Variants in HPSE2 observed in about 807,000 individuals in gnomAD.
HPSE2 encodes the protein heparanase 2 (inactive).
In HPSE2, 38 loss-of-function variants were observed where a neutral mutation model predicts 60.5. That is an observed-to-expected ratio of 0.63 (90% confidence interval 0.48 to 0.82). The LOEUF (loss-of-function observed/expected upper bound fraction) is 0.82, where lower values mean the gene tolerates loss of function less well. HPSE2 is among the 40% of genes least tolerant of loss of function. HPSE2 has a pLI of 0.00. For synonymous variants in HPSE2, 295 were observed against 293.2 expected (o/e 1.01, Z -0.06); for missense variants, 713 against 740.4 (o/e 0.96, Z 0.43).
At chr10:98,585,330 G>A (rs1811408708) in intron 9 of HPSE2, among the ~76,000 whole-genome samples, 1 of 149,258 alleles carries the variant, frequency 6.7e-6, no homozygotes, top group South Asian at 2.2e-4. Flanking sequence ...GGAGTACAGT[G>A]GCGTGATCTT....
intron 6 of HPSE2, among the ~76,000 whole-genome samples, chr10:98,658,574 T>A (rs909978483): frequency 6.6e-5 from 10 of 151,784 alleles, no homozygotes; most frequent in Admixed American, 5.9e-4. Context: ...TTAGGGTTGG[T>A]GAGCTTTATG....
chr10:99,218,892 C>T (rs1446135803), intron 2 of HPSE2, among the ~76,000 whole-genome samples: 1 of 152,124 alleles, frequency 6.6e-6, no homozygotes, highest in African/African-American at 2.4e-5. Flanking sequence ...AATGGCCAGG[C>T]AAATAAGTCC....
At chr10:98,757,913 G>C (rs1949914575) in intron 3 of HPSE2, among the ~76,000 whole-genome samples, 1 of 152,060 alleles carries the variant, frequency 6.6e-6, no homozygotes, top group Non-Finnish European at 1.5e-5. Flanking sequence ...CAAAGCCAGA[G>C]GCATCACATT....
At chr10:99,038,569 T>C (rs774907160) in intron 3 of HPSE2, among the ~76,000 whole-genome samples, 2 of 152,110 alleles carry the variant, frequency 1.3e-5, no homozygotes, top group Non-Finnish European at 2.9e-5. Context: ...AAGAGATCTT[T>C]GCAGCAATGG....
At chr10:98,644,534 A>T (rs900074221) in intron 6 of HPSE2, among the ~76,000 whole-genome samples, 1 of 152,188 alleles carries the variant, frequency 6.6e-6, no homozygotes, top group African/African-American at 2.4e-5. Context: ...AAAAGACCTT[A>T]CTGGTCAGCT....
At chr10:98,600,911 G>GTATA (rs71007402) in intron 9 of HPSE2, among the ~76,000 whole-genome samples, 2,418 of 73,544 alleles carry the variant, frequency 0.033, 93 homozygotes, top group African/African-American at 0.082. Context: ...ATGTGTGTGT[G>GTATA]TATATATATA....
chr10:98,759,402 T>C (rs1949955832), intron 3 of HPSE2, among the ~76,000 whole-genome samples: 2 of 152,148 alleles, frequency 1.3e-5, no homozygotes, highest in Non-Finnish European at 2.9e-5. Context: ...TGTGATATCT[T>C]CTAGCAATTT....
intron 9 of HPSE2, among the ~76,000 whole-genome samples, chr10:98,605,070 G>T (rs12357870): frequency 2.0e-5 from 3 of 152,048 alleles, no homozygotes; most frequent in Admixed American, 1.3e-4. Context: ...TGCCAATGAC[G>T]TCTTGTTGCA....
intron 5 of HPSE2, among the ~76,000 whole-genome samples, chr10:98,696,615 C>A (rs1261531262): frequency 7.1e-6 from 1 of 140,614 alleles, no homozygotes; most frequent in South Asian, 2.4e-4. Flanking sequence ...CCATGGAATG[C>A]GTAGATTCTC....
At chr10:98,601,074 C>A (rs2133942977) in intron 9 of HPSE2, among the ~76,000 whole-genome samples, 2 of 151,408 alleles carry the variant, frequency 1.3e-5, no homozygotes, top group South Asian at 4.2e-4. Flanking sequence ...GGTGGAGACC[C>A]AGGGAAGAGC....
At chr10:99,206,623 C>T (rs1331265277) in intron 2 of HPSE2, among the ~76,000 whole-genome samples, 1 of 151,396 alleles carries the variant, frequency 6.6e-6, no homozygotes, top group Non-Finnish European at 1.5e-5. Context: ...CTCCTAACCC[C>T]CATGTTGTTC....
intron 2 of HPSE2, among the ~76,000 whole-genome samples, chr10:99,181,397 C>CAAAAAAAAAAAAAAAAAAAA (rs58049545): frequency 3.8e-5 from 4 of 104,780 alleles, no homozygotes; most frequent in African/African-American, 2.2e-4. Flanking sequence ...GACTCCGTCT[C>CAAAAAAAAAAAAAAAAAAAA]AAAAAAAAAA....
chr10:98,515,024 C>T (rs999550616), intron 9 of HPSE2, among the ~76,000 whole-genome samples: 1 of 151,974 alleles, frequency 6.6e-6, no homozygotes, highest in African/African-American at 2.4e-5. Context: ...GCGCCCAGCC[C>T]GTTATATACT....
Position 98,895,395 on chromosome 10 carries a change from A to G in HPSE2, c.611-151339T>C, listed in dbSNP as rs372944678. Among the ~76,000 whole-genome samples the G allele has an allele frequency of 4.8e-4, 73 of 152,324 alleles. 2 individuals carry two copies. In the South Asian group the frequency reaches 0.011, roughly 24 times the overall value. On this transcript the variant is annotated intron_variant, in intron 3 of 11. Transcript: ENST00000370552. ...CAGTAGAATAAATTTTCTTACAGCC[A>G]CAGAGTCCATGTAGCTGAAAATTGA...
At chr10:98,772,844 T>C (rs1355571686) in intron 3 of HPSE2, among the ~76,000 whole-genome samples, 2 of 152,186 alleles carry the variant, frequency 1.3e-5, no homozygotes, top group African/African-American at 4.8e-5. Flanking sequence ...AAAATGTTGA[T>C]ATGAGAGTTA....
In HPSE2 at chr10:98,490,052, T is replaced by C; in HGVS notation, c.1465A>G (p.Asn489Asp). 1.2e-6 allele frequency: 2 copies of C among 1,612,766 alleles called. No individual in the cohort carries two copies. Among genetic ancestry groups the C allele is most frequent in the Non-Finnish European group, 8.5e-7 (1 of 1,178,686 alleles). Reference protein sequence around the residue: ...RIYAHCTNHHNHNYVRGSITL... With the variant: ...RIYAHCTNHHDHNYVRGSITL... Reference sequence around the variant, plus strand: ...TCTGCCATCTTTCTGAGGACTTACTTGTGGTGGTTTGTGCAGTGAGCATAA... The same window carrying C: ...TCTGCCATCTTTCTGAGGACTTACTCGTGGTGGTTTGTGCAGTGAGCATAA... The change falls in exon 10 of 12, where the codon AAC (asparagine) becomes GAC (aspartate). Residue 489 changes from asparagine to aspartate, a missense_variant and splice_region_variant. Transcript: ENST00000370552.
chr10:98,994,418 G>T (rs1956597349), intron 3 of HPSE2, among the ~76,000 whole-genome samples: 1 of 152,234 alleles, frequency 6.6e-6, no homozygotes, highest in African/African-American at 2.4e-5. Context: ...GCACAGCCCA[G>T]CATTAAACTC....
chr10:99,180,971 G>A (rs1847743602), intron 2 of HPSE2, among the ~76,000 whole-genome samples: 2 of 151,706 alleles, frequency 1.3e-5, no homozygotes, highest in South Asian at 4.2e-4. Flanking sequence ...CACTGTTGGT[G>A]GGAGTGTATA....
chr10:99,142,668 T>A (rs1364916679), intron 3 of HPSE2, among the ~76,000 whole-genome samples: 1 of 152,206 alleles, frequency 6.6e-6, no homozygotes, highest in African/African-American at 2.4e-5. Context: ...GTTGACAATG[T>A]TGATTCCAAC....
Sources: gnomAD v4.1 joint callset for allele counts (sites outside exome capture counted in the v4.1 genomes callset) on GRCh38, gnomAD v4.1.1 for gene constraint, MANE v1.5 for transcripts, NCBI Gene and HGNC (gene_info 2026-07-23, HGNC 2026-07-21) for gene names.